RPS8: variants seen among roughly 807,000 people sequenced by gnomAD.
The protein encoded by RPS8 is small ribosomal subunit protein eS8.
For synonymous variants in RPS8, 100 were observed against 100.7 expected (o/e 0.99, Z 0.04); for missense variants, 141 against 269.7 (o/e 0.52, Z 3.34).
chr1:44,776,409 G>A (rs1196515632), intron 2 of RPS8: 6 of 735,998 alleles, frequency 8.2e-6, no homozygotes, highest in East Asian at 2.5e-5. Context: ...GGCGCCTCGC[G>A]TCATAGTCAG....
Position 44,776,681 on chromosome 1 carries a change from C to T in RPS8, c.118C>T (p.Pro40Ser), listed in dbSNP as rs1331336873. ...GRPAANTKIGPRRIHTVRVRG... is the reference protein window; with the variant it reads ...GRPAANTKIGSRRIHTVRVRG... ...GTAACCTTGTGTTTTCCAGATTGGC[C>T]CCCGCCGCATCCACACAGTCCGTGT... Residue 40 changes from proline (P) to serine (S), a missense_variant, in exon 3 of 6, where the codon CCC becomes TCC. Transcript: ENST00000396651. 1.9e-6 allele frequency: 3 copies of T among 1,613,850 alleles called. No individual in the cohort carries two copies. Among genetic ancestry groups the T allele is most frequent in the Admixed American group, 3.3e-5 (2 of 59,992 alleles).
chr1:44,775,797 C>G (rs1341072457), intron 1 of RPS8, 197 bp downstream of exon 1: 1 of 841,756 alleles, frequency 1.2e-6, no homozygotes, highest in Admixed American at 2.4e-5. Context: ...GGTTCCGGGC[C>G]GCGGGCTGCG....
At chr1:44,775,627 G>C (rs1376140028) in intron 1 of RPS8, 27 bp downstream of exon 1, 1 of 1,613,978 alleles carries the variant, frequency 6.2e-7, no homozygotes, top group Non-Finnish European at 8.5e-7. Context: ...ATTGAGGCGG[G>C]TGAAGGGAGG....
intron 3 of RPS8, 58 bp from the exon 4 acceptor site, chr1:44,777,556 G>A: frequency 7.2e-7 from 1 of 1,397,230 alleles, no homozygotes; most frequent in South Asian, 1.2e-5. Context: ...ACCTGGAGGA[G>A]TGTGCCAGGG....
In RPS8 at chr1:44,777,754, G is replaced by T; in HGVS notation, c.352G>T (p.Ala118Ser). 3.1e-6 allele frequency: 5 copies of T among 1,614,192 alleles called. No homozygotes were observed. The highest frequency in any genetic ancestry group is 4.2e-6 in the Non-Finnish European group (5 of 1,180,020). Reference protein sequence around the residue: ...PYRQWYESHYALPLGRKKGAK... With the variant: ...PYRQWYESHYSLPLGRKKGAK... Reference sequence around the variant, plus strand: ...CCGACAGTGGTACGAGTCCCACTATGCGCTGCCCCTGGGCCGCAAGAAGGG... The same window carrying T: ...CCGACAGTGGTACGAGTCCCACTATTCGCTGCCCCTGGGCCGCAAGAAGGG... Residue 118 changes from alanine to serine, a missense_variant, in exon 4 of 6, where the codon GCG becomes TCG. Transcript: ENST00000396651.
Position 44,777,769 on chromosome 1 carries a change from C to T in RPS8, c.367C>T (p.Arg123Cys). 3 of 1,614,144 alleles carry T rather than the reference C, an allele frequency of 1.9e-6. No homozygotes were observed. The highest frequency in any genetic ancestry group is 2.5e-6 in the Non-Finnish European group (3 of 1,180,018). Residue 123 changes from arginine to cysteine, a missense_variant, in exon 4 of 6, where the codon CGC becomes TGC. Physicochemically the swap from Arg to Cys is radical, Grantham distance 180. Transcript: ENST00000396651. ...GTCCCACTATGCGCTGCCCCTGGGC[C>T]GCAAGAAGGGAGCCAAGCTGGTGCG... ...YESHYALPLG[R>C]KKGAKLTPEE...
At chr1:44,776,988 T>A (rs1012553387) in intron 3 of RPS8, 1 of 491,668 alleles carries the variant, frequency 2.0e-6, no homozygotes. Context: ...TAGCAAGTAG[T>A]CTGTGGCTTA....
chr1:44,778,215 G>A, intron 5 of RPS8, 86 bp downstream of exon 5: 1 of 1,512,880 alleles, frequency 6.6e-7, no homozygotes, highest in Non-Finnish European at 9.1e-7. Flanking sequence ...TCCTTTGACT[G>A]CCAGCCATGC....
chr1:44,775,954 C>T, intron 1 of RPS8, 80 bp from the exon 2 acceptor site: 1 of 1,349,678 alleles, frequency 7.4e-7, no homozygotes, highest in Non-Finnish European at 1.1e-6. Context: ...ACCGGCCCGG[C>T]GCGGGGGTCT....
rs1650894817 is a variant in RPS8 at position 44,777,370 on chromosome 1, C to T, written c.212-244C>T. 2 of 496,284 alleles carry T rather than the reference C, an allele frequency of 4.0e-6. 1 individual carries two copies. Among genetic ancestry groups the T allele is most frequent in the South Asian group, 4.8e-5 (2 of 42,078 alleles). The allele number at this position is 496,284 out of a possible 1,614,324, so 30.7% of individuals were successfully genotyped here. A position where few individuals can be genotyped will look rare whatever the true frequency, so the allele number is the denominator to read the frequency against. On this transcript the variant is annotated intron_variant, in intron 3 of 5. Coordinates refer to ENST00000396651, the MANE Select transcript of RPS8 (RefSeq NM_001012.2). Reference sequence around the variant, plus strand: ...ACGGGCGTGAGTCACCGTGCCCGACCTGCTCTGATCTTTCTGAACTCTGCA... The same window carrying T: ...ACGGGCGTGAGTCACCGTGCCCGACTTGCTCTGATCTTTCTGAACTCTGCA...
intron 3 of RPS8, 113 bp downstream of exon 3, chr1:44,776,887 C>G: frequency 4.4e-6 from 3 of 685,920 alleles, no homozygotes; most frequent in East Asian, 2.9e-5. Flanking sequence ...GTTGGGAGGC[C>G]GAGGCGGGCG....
intron 1 of RPS8, 112 bp downstream of exon 1, chr1:44,775,712 A>C: frequency 7.2e-7 from 1 of 1,381,824 alleles, no homozygotes; most frequent in Non-Finnish European, 1.0e-6. Flanking sequence ...GGCCAGGGAC[A>C]GCCACGAGGA....
intron 2 of RPS8, among the ~76,000 whole-genome samples, 168 bp downstream of exon 2, chr1:44,776,308 A>C (rs1650850398): frequency 6.6e-6 from 1 of 152,192 alleles, no homozygotes. Context: ...GTAAGTACCA[A>C]AGAGGGAATG....
intron 4 of RPS8, 88 bp downstream of exon 4, chr1:44,777,877 G>A (rs751891930): frequency 9.5e-6 from 15 of 1,578,946 alleles, no homozygotes; most frequent in Non-Finnish European, 1.2e-5. Context: ...TTCTGCTACT[G>A]AAGGGAGAGA....
chr1:44,777,876 T>A (rs1339996223), intron 4 of RPS8, 87 bp downstream of exon 4: 1 of 1,578,732 alleles, frequency 6.3e-7, no homozygotes. Flanking sequence ...GTTCTGCTAC[T>A]GAAGGGAGAG....
At chr1:44,778,177 TGCCGAG>T in intron 5 of RPS8, 48 bp downstream of exon 5, 4 of 1,587,834 alleles carry the variant, frequency 2.5e-6, no homozygotes, top group Non-Finnish European at 3.4e-6. Flanking sequence ...AGATTGAGTG[TGCCGAG>T]GCACTTTTCC....
chr1:44,777,449 C>T (rs1650897504), intron 3 of RPS8, 165 bp from the exon 4 acceptor site: 5 of 625,296 alleles, frequency 8.0e-6, no homozygotes, highest in African/African-American at 3.7e-5. Flanking sequence ...TAACTAGAAA[C>T]GTGGGTTAGG....
At chr1:44,778,329 C>T (rs2148843687) in intron 5 of RPS8, 200 bp downstream of exon 5, 1 of 831,956 alleles carries the variant, frequency 1.2e-6, no homozygotes, top group Non-Finnish European at 2.1e-6. Flanking sequence ...GAAGAGTCTG[C>T]ATAGGCCCGT....
At position 44,778,613 on chromosome 1, in the gene RPS8, A is replaced by G. The variant is rs1557609851; in HGVS notation, c.555A>G (p.Ala185=). 2 of 1,614,020 alleles carry G rather than the reference A, an allele frequency of 1.2e-6. No individual in the cohort carries two copies. Among genetic ancestry groups the G allele is most frequent in the Non-Finnish European group, 8.5e-7 (1 of 1,179,996 alleles). The change falls in exon 6 of 6, where the codon GCA becomes GCG. Residue 185 remains alanine (A), a synonymous_variant. Transcript: ENST00000396651. ...IASRPGQCGR[A]DGYVLEGKEL... ...CAAGGCCGGGACAGTGTGGCCGAGCAGATGGCTATGTGCTAGAGGGCAAAG... is the reference window on the plus strand; with the variant it reads ...CAAGGCCGGGACAGTGTGGCCGAGCGGATGGCTATGTGCTAGAGGGCAAAG...
Sources: gnomAD v4.1 joint callset for allele counts (sites outside exome capture counted in the v4.1 genomes callset) on GRCh38, gnomAD v4.1.1 for gene constraint, MANE v1.5 for transcripts, NCBI Gene and HGNC (gene_info 2026-07-23, HGNC 2026-07-21) for gene names.